PCDH7: variants seen among roughly 807,000 people sequenced by gnomAD.
PCDH7 encodes the protein protocadherin 7, also known as protocadherin-7.
Under a neutral mutation model 58.9 loss-of-function variants are expected in PCDH7, and 17 were observed. The ratio of observed to expected loss-of-function variants is 0.29; its 90% CI spans 0.20 to 0.43. PCDH7 has a LOEUF of 0.43. Among genes scored for constraint, PCDH7 ranks in the 20% least tolerant of loss-of-function variants. PCDH7 has a pLI of 1.00. For missense variants in PCDH7, 1,274 were observed against 1,441.0 expected, an observed-to-expected ratio of 0.88 and a Z score of 1.88; for synonymous variants, 664 against 616.4, an observed-to-expected ratio of 1.08 and a Z score of -1.14.
intron 3 of PCDH7, among the ~76,000 whole-genome samples, chr4:31,116,870 T>G (rs527420324): frequency 6.6e-6 from 1 of 152,070 alleles, no homozygotes; most frequent in Non-Finnish European, 1.5e-5. Context: ...AGTTTCGCTC[T>G]TCTTGCCCAG....
chr4:30,736,787 CGGCCTCCCAAAGTGCTGGGATTACA>C (rs1384873185), downstream of PCDH7, among the ~76,000 whole-genome samples: 3 of 151,978 alleles, frequency 2.0e-5, no homozygotes, highest in African/African-American at 7.2e-5. Flanking sequence ...CCGCCCGCCT[CGGCCTCCCAAAGTGCTGGGATTACA>C]GGCGTGAGCC....
intron 3 of PCDH7, among the ~76,000 whole-genome samples, chr4:30,951,617 A>G (rs1463083202): frequency 6.6e-6 from 1 of 152,176 alleles, no homozygotes; most frequent in Admixed American, 6.5e-5. Context: ...AAAAATAATA[A>G]CAGCAACCAT....
chr4:30,778,448 G>A (rs1722353930), intron 1 of PCDH7, among the ~76,000 whole-genome samples: 1 of 151,792 alleles, frequency 6.6e-6, no homozygotes, highest in South Asian at 2.1e-4. Flanking sequence ...TATATTGATT[G>A]GAAACATACC....
intron 1 of PCDH7, among the ~76,000 whole-genome samples, chr4:30,765,792 A>G (rs570323068): frequency 2.0e-5 from 3 of 152,288 alleles, no homozygotes; most frequent in African/African-American, 7.2e-5. Flanking sequence ...AGAGAATTGA[A>G]GAAGGCACCA....
chr4:31,035,335 C>T (rs1370708103), intron 3 of PCDH7, among the ~76,000 whole-genome samples: 1 of 146,646 alleles, frequency 6.8e-6, no homozygotes, highest in East Asian at 2.1e-4. Flanking sequence ...CTCACTGCAA[C>T]CTCTGCTTAC....
chr4:30,796,980 A>T (rs1306889620), intron 1 of PCDH7, among the ~76,000 whole-genome samples: 1 of 147,888 alleles, frequency 6.8e-6, no homozygotes, highest in Non-Finnish European at 1.5e-5. Context: ...TTTTTTTTTT[A>T]AATGGAGTCT....
intron 3 of PCDH7, among the ~76,000 whole-genome samples, chr4:31,033,625 C>T (rs191594341): frequency 2.6e-5 from 4 of 152,210 alleles, no homozygotes; most frequent in Admixed American, 1.3e-4. Context: ...TCAACATGGC[C>T]CCTTACTTGC....
At chr4:30,795,743 T>C (rs1276010147) in intron 1 of PCDH7, among the ~76,000 whole-genome samples, 1 of 152,200 alleles carries the variant, frequency 6.6e-6, no homozygotes, top group Non-Finnish European at 1.5e-5. Flanking sequence ...ATAAATACAC[T>C]TGCTGTTTAC....
chr4:31,097,746 G>C (rs1409523393), intron 3 of PCDH7, among the ~76,000 whole-genome samples: 2 of 150,392 alleles, frequency 1.3e-5, no homozygotes, highest in Non-Finnish European at 3.0e-5. Flanking sequence ...TTAAAAACCA[G>C]CTAGCTTATT....
chr4:31,087,930 G>A (rs1712685676), intron 3 of PCDH7, among the ~76,000 whole-genome samples: 1 of 151,962 alleles, frequency 6.6e-6, no homozygotes, highest in African/African-American at 2.4e-5. Context: ...TCCTTTAAAT[G>A]CTTTTATTTA....
intron 1 of PCDH7, among the ~76,000 whole-genome samples, chr4:30,875,216 G>C (rs971419690): frequency 6.6e-6 from 1 of 151,970 alleles, no homozygotes; most frequent in Admixed American, 6.6e-5. Flanking sequence ...GGTTTGTTTG[G>C]CCATCGTCGT....
At chr4:30,760,318 C>T (rs1560340980) in intron 1 of PCDH7, among the ~76,000 whole-genome samples, 1 of 152,204 alleles carries the variant, frequency 6.6e-6, no homozygotes, top group East Asian at 1.9e-4. Context: ...TATCCCTAGC[C>T]CTTCAAGAGG....
Position 30,928,174 on chromosome 4 carries a change from C to G in PCDH7, c.287+7805C>G, listed in dbSNP as rs543845456. Among the ~76,000 whole-genome samples, 9 of 152,208 alleles carry G rather than the reference C, an allele frequency of 5.9e-5. No homozygotes were observed. The East Asian group carries it at 1.7e-3, about 30-fold the overall frequency. On this transcript the variant is annotated intron_variant, in intron 2 of 3. Coordinates refer to the PCDH7 transcript ENST00000509759. ...TCCTGGAATCAGGGGATCCTTCCAT[C>G]TTGGCCCTCCAAAGTGCTAGGATCA...
chr4:31,041,235 G>A (rs1326615905), intron 3 of PCDH7, among the ~76,000 whole-genome samples: 2 of 152,102 alleles, frequency 1.3e-5, no homozygotes, highest in Non-Finnish European at 2.9e-5. Flanking sequence ...CTTCTCATGG[G>A]AGTTACCTAG....
intron 1 of PCDH7, among the ~76,000 whole-genome samples, chr4:30,831,620 G>A (rs1729792004): frequency 6.6e-6 from 1 of 151,976 alleles, no homozygotes; most frequent in African/African-American, 2.4e-5. Flanking sequence ...AGGAAAGAAG[G>A]ACCTCTACTC....
intron 3 of PCDH7, among the ~76,000 whole-genome samples, chr4:31,057,167 T>C (rs1009169002): frequency 6.6e-6 from 1 of 152,220 alleles, no homozygotes; most frequent in Admixed American, 6.5e-5. Flanking sequence ...AAAATAGTTT[T>C]ACTTTCATAA....
chr4:30,998,097 G>A (rs1347977871), intron 3 of PCDH7, among the ~76,000 whole-genome samples: 1 of 152,166 alleles, frequency 6.6e-6, no homozygotes, highest in African/African-American at 2.4e-5. Flanking sequence ...TTTTGAAATA[G>A]AGTTTTAGTT....
intron 1 of PCDH7, among the ~76,000 whole-genome samples, chr4:30,894,586 C>T (rs1176095858): frequency 5.2e-5 from 5 of 95,526 alleles, no homozygotes; most frequent in African/African-American, 1.8e-4. Context: ...CACATATATA[C>T]ACACACACAC....
rs560097485 is a variant in PCDH7 at position 30,826,658 on chromosome 4, C to A, written c.71-93495C>A. On this transcript the variant is annotated intron_variant, in intron 1 of 3. Transcript: ENST00000509759. ...CCAATGTTGTAGACCATGACGCTTACAAGAGGGTGTCATCTGAGGAGTCCT... is the reference window on the plus strand; with the variant it reads ...CCAATGTTGTAGACCATGACGCTTAAAAGAGGGTGTCATCTGAGGAGTCCT... Among the ~76,000 whole-genome samples the A allele has an allele frequency of 4.7e-4, 71 of 152,208 alleles. 2 individuals are homozygous for A. In the South Asian group the frequency reaches 0.015, roughly 32 times the overall value.
Sources: allele counts gnomAD v4.1 joint callset (sites outside exome capture counted in the v4.1 genomes callset), GRCh38; gene constraint gnomAD v4.1.1; transcripts MANE v1.5; gene names NCBI Gene and HGNC (gene_info 2026-07-23, HGNC 2026-07-21).